The following CCDC33 variants were observed in gnomAD, a reference collection of about 807,000 sequenced individuals.
CCDC33 encodes coiled-coil domain containing 33.
In CCDC33, 94 loss-of-function variants were observed where a neutral mutation model predicts 91.9. The ratio of observed to expected loss-of-function variants is 1.02; its 90% CI spans 0.87 to 1.21. The LOEUF is 1.21. Among genes scored for constraint, CCDC33 ranks in the 50% most tolerant of loss-of-function variants. The pLI is 0.00. For synonymous variants in CCDC33, 396 were observed against 374.5 expected, an observed-to-expected ratio of 1.06 and a Z score of -0.66; for missense variants, 940 against 935.5, an observed-to-expected ratio of 1.00 and a Z score of -0.06.
intron 2 of CCDC33, among the ~76,000 whole-genome samples, chr15:74,253,550 G>A (rs911096952): frequency 1.3e-5 from 2 of 152,100 alleles, no homozygotes; most frequent in African/African-American, 4.8e-5. Flanking sequence ...CCTTCTCTGA[G>A]GCTCCCCCTA....
chr15:74,251,871 G>C (rs971288087), intron 2 of CCDC33, among the ~76,000 whole-genome samples: 2 of 152,182 alleles, frequency 1.3e-5, no homozygotes, highest in East Asian at 3.8e-4. Context: ...CTGGCAAGAG[G>C]GGGGATAAAG....
chr15:74,299,893 C>T (rs1434748387), intron 11 of CCDC33: 1 of 152,438 alleles, frequency 6.6e-6, no homozygotes, highest in Non-Finnish European at 1.5e-5. Flanking sequence ...CTCTCTCGCT[C>T]TCCTCAGATT....
Position 74,218,487 on chromosome 15 carries a change from C to T in CCDC33, c.311-10C>T. On this transcript the variant is annotated splice_polypyrimidine_tract_variant and intron_variant, in intron 1 of 2. Transcript: ENST00000635913. The surrounding 1 kb of genome is among the most constrained non-coding windows in gnomAD (Gnocchi z 4.8). ...GAGACCATCTCTGAGCCCTGTGTTC[C>T]CTCATCCAGGTTTCTGCAAGAATGA... 1 of 1,272,692 alleles carries T rather than the reference C, an allele frequency of 7.9e-7. No homozygotes were observed. The highest frequency in any genetic ancestry group is 1.0e-6 in the Non-Finnish European group (1 of 979,598). 78.8% of individuals were successfully genotyped at this position (1,272,692 alleles called of 1,614,324 possible).
At chr15:74,286,741 A>T (rs140143079) in intron 10 of CCDC33, among the ~76,000 whole-genome samples, 1 of 152,080 alleles carries the variant, frequency 6.6e-6, no homozygotes, top group Non-Finnish European at 1.5e-5. Context: ...ATGGGTGGCC[A>T]CACCCTCCTC....
chr15:74,269,403 T>C (rs1007398019), intron 5 of CCDC33, among the ~76,000 whole-genome samples: 3 of 151,838 alleles, frequency 2.0e-5, no homozygotes, highest in Non-Finnish European at 4.4e-5. Flanking sequence ...CCAAGGGGAG[T>C]ATGGTATGGG....
intron 2 of CCDC33, among the ~76,000 whole-genome samples, chr15:74,211,043 C>A (rs2074360252): frequency 6.6e-6 from 1 of 152,174 alleles, no homozygotes; most frequent in Non-Finnish European, 1.5e-5. Flanking sequence ...CAGACTCCAA[C>A]ACATCCAAAA....
chr15:74,256,336 G>A (rs915518734), intron 2 of CCDC33, among the ~76,000 whole-genome samples: 1 of 152,214 alleles, frequency 6.6e-6, no homozygotes, highest in African/African-American at 2.4e-5. Context: ...GGAATCAGAA[G>A]AGTCCGGTGA....
intron 17 of CCDC33, among the ~76,000 whole-genome samples, 176 bp downstream of exon 17, chr15:74,334,143 G>A (rs139724042): frequency 6.6e-6 from 1 of 152,248 alleles, no homozygotes; most frequent in African/African-American, 2.4e-5. Flanking sequence ...TACAACCAGG[G>A]TTAGGGTTCA....
At chr15:74,266,822 A>C (rs763727311) in intron 4 of CCDC33, 35 bp downstream of exon 4, 7 of 1,505,446 alleles carry the variant, frequency 4.6e-6, no homozygotes, top group Non-Finnish European at 5.5e-6. Flanking sequence ...CCGGGAGAGC[A>C]GGTGGGAACC....
At chr15:74,293,828 C>A (rs2059629982) in intron 10 of CCDC33, among the ~76,000 whole-genome samples, 2 of 152,200 alleles carry the variant, frequency 1.3e-5, no homozygotes, top group Non-Finnish European at 2.9e-5. Flanking sequence ...CTATTTTGCA[C>A]CCATTTGATG....
chr15:74,234,446 C>T (rs573440604), upstream of CCDC33, among the ~76,000 whole-genome samples: 2 of 152,180 alleles, frequency 1.3e-5, no homozygotes, highest in South Asian at 2.1e-4. Context: ...GGTAGAGCAG[C>T]TGGGCTCATG....
intron 18 of CCDC33, 112 bp from the exon 19 acceptor site, chr15:74,335,813 G>T: frequency 1.2e-6 from 1 of 807,614 alleles, no homozygotes; most frequent in Non-Finnish European, 2.0e-6. Context: ...GCCAGGTCAT[G>T]GCCCACTGGA....
At chr15:74,265,729 TAA>T (rs1215133898) in intron 3 of CCDC33, among the ~76,000 whole-genome samples, 1 of 152,230 alleles carries the variant, frequency 6.6e-6, no homozygotes, top group Admixed American at 6.5e-5. Flanking sequence ...GTGTTCTTCT[TAA>T]AGTTTTTACC....
chr15:74,271,454 A>G (rs975975384), intron 5 of CCDC33, among the ~76,000 whole-genome samples: 10 of 152,178 alleles, frequency 6.6e-5, no homozygotes, highest in Non-Finnish European at 1.3e-4. Flanking sequence ...TAAGAGATCC[A>G]TTGGTAAATC....
intron 11 of CCDC33, among the ~76,000 whole-genome samples, chr15:74,306,821 CAG>C (rs145824426): frequency 0.011 from 1,632 of 152,230 alleles, 17 homozygotes; most frequent in Middle Eastern, 0.051. Context: ...AGAGGCCACC[CAG>C]AGAGAGAGAA....
chr15:74,260,587 G>T (rs963978305), intron 2 of CCDC33, among the ~76,000 whole-genome samples: 11 of 152,166 alleles, frequency 7.2e-5, no homozygotes, highest in African/African-American at 2.7e-4. Context: ...ACTCTCTCAG[G>T]GCGGTACTAT....
Position 74,334,889 on chromosome 15 carries a change from A to G in CCDC33, c.2026-86A>G, listed in dbSNP as rs1325248846. 6.3e-6 allele frequency: 7 copies of G among 1,105,914 alleles called. No individual in the cohort carries two copies. In the African/African-American group the frequency reaches 1.1e-4, roughly 17 times the overall value. The allele number at this position is 1,105,914 out of a possible 1,614,324, so 68.5% of individuals were successfully genotyped here. A position where few individuals can be genotyped will look rare whatever the true frequency, so the allele number is the denominator to read the frequency against. ...CCAGAGCTTTGCTTTCTGCCTGGAC[A>G]GCAGGCTCAGGCCCTGGTTGTCCTG... is the stretch of plus-strand genomic sequence containing the variant. On this transcript the variant is annotated intron_variant, in intron 17 of 18. Coordinates refer to ENST00000398814, the MANE Select transcript of CCDC33 (RefSeq NM_025055.5).
At chr15:74,322,086 G>T (rs2060218332) in intron 11 of CCDC33, among the ~76,000 whole-genome samples, 1 of 152,210 alleles carries the variant, frequency 6.6e-6, no homozygotes, top group Non-Finnish European at 1.5e-5. Flanking sequence ...GAAATTCAAA[G>T]TTGGAAATTT....
At position 74,218,336 on chromosome 15, in the gene CCDC33, G is replaced by A. The variant is rs2074501441; in HGVS notation, c.311-161G>A. 6.6e-6 allele frequency among the ~76,000 whole-genome samples: 1 copy of A among 152,134 alleles called. No homozygotes were observed. Among genetic ancestry groups the A allele is most frequent in the Non-Finnish European group, 1.5e-5 (1 of 68,010 alleles). ...GGGAGGGAGCCATGGGTGGGGCCTA[G>A]GAGGGAGTCGCCTACCAGGGAAATC... On this transcript the variant is annotated intron_variant, in intron 1 of 2. Transcript: ENST00000635913. This position sits in a 1 kb window ranked among gnomAD's most constrained non-coding sequence, Gnocchi z 4.8.
Sources: gnomAD v4.1 joint callset for allele counts (sites outside exome capture counted in the v4.1 genomes callset) on GRCh38, gnomAD v4.1.1 for gene constraint, Gnocchi (gnomAD v3.1) non-coding constraint, MANE v1.5 for transcripts, NCBI Gene and HGNC (gene_info 2026-07-23, HGNC 2026-07-21) for gene names.